Variants in KCNQ1OT1 observed in about 807,000 individuals in gnomAD.
KCNQ1OT1 encodes the protein KCNQ1 antisense RNA 2 (non-protein coding).
rs956306416 is a variant in KCNQ1OT1, at chr11:2,673,666, T to A, written n.26329A>T. 1.0e-5 allele frequency: 4 copies of A among 398,650 alleles called. No homozygotes were observed. Among genetic ancestry groups the A allele is most frequent in the African/African-American group, 6.2e-5 (3 of 48,642 alleles). The allele number at this position is 398,650 out of a possible 1,614,324, so 24.7% of individuals were successfully genotyped here. A position where few individuals can be genotyped will look rare whatever the true frequency, so the allele number is the denominator to read the frequency against. On this transcript the variant is annotated non_coding_transcript_exon_variant, in exon 1 of 1. Transcript: ENST00000597346. The surrounding 1 kb of genome is among the most constrained non-coding windows in gnomAD (Gnocchi z 4.5). Reference sequence around the variant, plus strand: ...CCCTGACTCATGTCCCTTGTCTGCATAGGTGTTTTCCTATAAATGTTTAAT... The same window carrying A: ...CCCTGACTCATGTCCCTTGTCTGCAAAGGTGTTTTCCTATAAATGTTTAAT...
chr11:2,625,300 G>T (rs1180580729), exon 1 of KCNQ1OT1: 7 of 398,444 alleles, frequency 1.8e-5, no homozygotes, highest in Non-Finnish European at 3.1e-5. Flanking sequence ...ACTTAGGCTG[G>T]AATGCAGTGG....
Position 2,624,031 on chromosome 11 carries a change from C to T in KCNQ1OT1, n.75964G>A. The T allele has an allele frequency of 2.5e-6, 1 of 399,594 alleles. No individual in the cohort carries two copies. Among genetic ancestry groups the T allele is most frequent in the East Asian group, 3.6e-5 (1 of 28,140 alleles). 24.8% of individuals were successfully genotyped at this position (399,594 alleles called of 1,614,324 possible). ...GTGGCTGTACCATTTTGCATTCCCA[C>T]CAGCAATGGATGAGTGTTCCTGTTG... On this transcript the variant is annotated non_coding_transcript_exon_variant, in exon 1 of 1. Transcript: ENST00000597346. The surrounding 1 kb of genome is among the most constrained non-coding windows in gnomAD (Gnocchi z 4.9).
At chr11:2,662,154 G>A (rs1054499968) in exon 1 of KCNQ1OT1, 1 of 1,601,808 alleles carries the variant, frequency 6.2e-7, no homozygotes, top group South Asian at 1.1e-5. Context: ...TTGGTGCTGG[G>A]GAAGCCTTGC....
At chr11:2,662,125 G>A in exon 1 of KCNQ1OT1, 2 of 1,613,150 alleles carry the variant, frequency 1.2e-6, no homozygotes, top group Non-Finnish European at 1.7e-6. Context: ...GGAGGGGACT[G>A]GAGCTCAAGG....
rs923822023 is a variant in KCNQ1OT1 at position 2,645,513 on chromosome 11, G to A, written n.54482C>T. The A allele has an allele frequency of 3.3e-5, 13 of 398,650 alleles. No homozygotes were observed. The highest frequency in any genetic ancestry group is 5.3e-5 in the Non-Finnish European group (12 of 226,194). The allele number at this position is 398,650 out of a possible 1,614,324, so 24.7% of individuals were successfully genotyped here. On this transcript the variant is annotated non_coding_transcript_exon_variant, in exon 1 of 1. Transcript: ENST00000597346. The surrounding 1 kb of genome is among the most constrained non-coding windows in gnomAD (Gnocchi z 5.8). ...ATGTTGGGGCAGCAGCAACTCTATT[G>A]CAGCCCTACTCCTGGGGAAGTTGAG...
At chr11:2,699,703 G>T (rs1326444790) in exon 1 of KCNQ1OT1, 2 of 225,836 alleles carry the variant, frequency 8.9e-6, no homozygotes, top group African/African-American at 6.5e-5. Context: ...GCCCCGAGGA[G>T]AACGGCGCCG....
chr11:2,665,903 G>A (rs1479751677), exon 1 of KCNQ1OT1: 1 of 398,560 alleles, frequency 2.5e-6, no homozygotes, highest in Non-Finnish European at 4.4e-6. Context: ...GCCTGGGTGA[G>A]CTTCTCCAAG....
chr11:2,659,268 CT>C lies in KCNQ1OT1; in HGVS notation n.40726del, dbSNP rs548222240. ...GTGAGTCTTTTGAAGTCAAGTACTT[CT>C]CCCCTAACCACTGGCAGCTATTGAT... On this transcript the variant is annotated non_coding_transcript_exon_variant, in exon 1 of 1. Transcript: ENST00000597346. The surrounding 1 kb of genome is among the most constrained non-coding windows in gnomAD (Gnocchi z 4.3). 15 of 398,636 alleles carry C rather than the reference CT, an allele frequency of 3.8e-5. No individual in the cohort carries two copies. The South Asian group carries it at 1.9e-3, about 51-fold the overall frequency. The allele number at this position is 398,636 out of a possible 1,614,324, so 24.7% of individuals were successfully genotyped here.
chr11:2,617,750 A>G lies in KCNQ1OT1; in HGVS notation n.82245T>C. ...TCTCATGAGTGTGAGGTGATATCGC[A>G]TAGTAATTTTGATTTGCATTTCCCT... On this transcript the variant is annotated non_coding_transcript_exon_variant, in exon 1 of 1. Transcript: ENST00000597346. The surrounding 1 kb of genome is among the most constrained non-coding windows in gnomAD (Gnocchi z 4.6). 2.5e-6 allele frequency: 1 copy of G among 398,546 alleles called. No homozygotes were observed. Among genetic ancestry groups the G allele is most frequent in the East Asian group, 3.6e-5 (1 of 28,068 alleles). 24.7% of individuals were successfully genotyped at this position (398,546 alleles called of 1,614,324 possible).
chr11:2,660,167 T>G, exon 1 of KCNQ1OT1: 1 of 398,350 alleles, frequency 2.5e-6, no homozygotes, highest in Non-Finnish European at 4.4e-6. Flanking sequence ...AGATATTTTA[T>G]GGTTTTATGT....
At position 2,624,531 on chromosome 11, in the gene KCNQ1OT1, G is replaced by C; in HGVS notation, n.75464C>G. The C allele has an allele frequency of 2.5e-6, 1 of 398,316 alleles. No homozygotes were observed. Among genetic ancestry groups the C allele is most frequent in the Non-Finnish European group, 4.4e-6 (1 of 225,980 alleles). The allele number at this position is 398,316 out of a possible 1,614,324, so 24.7% of individuals were successfully genotyped here. A position where few individuals can be genotyped will look rare whatever the true frequency, so the allele number is the denominator to read the frequency against. ...TAGATTTCTTCCTATGTTATCTTCTGGGATTTCTATTTGTTGTTGATTTCC... is the reference window on the plus strand; with the variant it reads ...TAGATTTCTTCCTATGTTATCTTCTCGGATTTCTATTTGTTGTTGATTTCC... On this transcript the variant is annotated non_coding_transcript_exon_variant, in exon 1 of 1. Transcript: ENST00000597346. This position sits in a 1 kb window ranked among gnomAD's most constrained non-coding sequence, Gnocchi z 4.9.
At chr11:2,643,462 A>G in exon 1 of KCNQ1OT1, 1 of 398,450 alleles carries the variant, frequency 2.5e-6, no homozygotes, top group Non-Finnish European at 4.4e-6. Context: ...ATCTGATGAA[A>G]GTATAGCTAC....
rs1849015792 is a variant in KCNQ1OT1, at chr11:2,613,605, C to A, written n.86390G>T. Reference sequence around the variant, plus strand: ...ATTAGCACTTTTCAATTTTATATTTCTTTGTCCAGTTTTATCATTGCTTTT... The same window carrying A: ...ATTAGCACTTTTCAATTTTATATTTATTTGTCCAGTTTTATCATTGCTTTT... On this transcript the variant is annotated non_coding_transcript_exon_variant, in exon 1 of 1. Transcript: ENST00000597346. This position sits in a 1 kb window ranked among gnomAD's most constrained non-coding sequence, Gnocchi z 4.8. The A allele has an allele frequency of 5.0e-6, 2 of 398,398 alleles. No homozygotes were observed. Among genetic ancestry groups the A allele is most frequent in the African/African-American group, 4.1e-5 (2 of 48,596 alleles). The allele number at this position is 398,398 out of a possible 1,614,324, so 24.7% of individuals were successfully genotyped here.
chr11:2,614,211 T>A lies in KCNQ1OT1; in HGVS notation n.85784A>T, dbSNP rs186880384. ...CTGAGGGTGCCACCTCAAATCTTAGTCATTTGCAAGAGCCTCCACTATAGC... is the reference window on the plus strand; with the variant it reads ...CTGAGGGTGCCACCTCAAATCTTAGACATTTGCAAGAGCCTCCACTATAGC... On this transcript the variant is annotated non_coding_transcript_exon_variant, in exon 1 of 1. Transcript: ENST00000597346. The A allele has an allele frequency of 9.0e-5, 36 of 398,562 alleles. 1 individual carries two copies. Among genetic ancestry groups the A allele is most frequent in the African/African-American group, 7.2e-4 (35 of 48,744 alleles). 24.7% of individuals were successfully genotyped at this position (398,562 alleles called of 1,614,324 possible).
At chr11:2,667,257 A>C (rs1259512417) in exon 1 of KCNQ1OT1, 1 of 398,510 alleles carries the variant, frequency 2.5e-6, no homozygotes, top group African/African-American at 2.1e-5. Context: ...CGTGAGGAAG[A>C]AGCGGCTGGC....
exon 1 of KCNQ1OT1, chr11:2,684,290 T>C (rs773427330): frequency 1.0e-5 from 4 of 398,582 alleles, no homozygotes; most frequent in Non-Finnish European, 1.8e-5. Flanking sequence ...GGCTGGAGCA[T>C]TGCAACTCAT....
Position 2,663,125 on chromosome 11 carries a change from T to C in KCNQ1OT1, n.36870A>G, listed in dbSNP as rs1431037950. The stretch of plus-strand genomic sequence containing the variant: ...GAGTGGCTATCTTAAGGGGTAATTA[T>C]GATCAGACAGGACCTGCCCACTGTC... On this transcript the variant is annotated non_coding_transcript_exon_variant, in exon 1 of 1. Transcript: ENST00000597346. The surrounding 1 kb of genome is among the most constrained non-coding windows in gnomAD (Gnocchi z 5.2). 3 of 398,582 alleles carry C rather than the reference T, an allele frequency of 7.5e-6. No homozygotes were observed. Among genetic ancestry groups the C allele is most frequent in the Admixed American group, 4.4e-5 (1 of 22,720 alleles). The allele number at this position is 398,582 out of a possible 1,614,324, so 24.7% of individuals were successfully genotyped here. A position where few individuals can be genotyped will look rare whatever the true frequency, so the allele number is the denominator to read the frequency against.
At chr11:2,680,235 A>G (rs1160802502) in exon 1 of KCNQ1OT1, 8 of 395,924 alleles carry the variant, frequency 2.0e-5, no homozygotes, top group Non-Finnish European at 3.5e-5. Flanking sequence ...AAAGTTGTCT[A>G]TCTGTGTGTA....
rs928263819 is a variant in KCNQ1OT1, at chr11:2,612,055, A to G, written n.87940T>C. 2.5e-6 allele frequency: 1 copy of G among 398,634 alleles called. No homozygotes were observed. The highest frequency in any genetic ancestry group is 4.4e-5 in the Admixed American group (1 of 22,738). 24.7% of individuals were successfully genotyped at this position (398,634 alleles called of 1,614,324 possible). On this transcript the variant is annotated non_coding_transcript_exon_variant, in exon 1 of 1. Transcript: ENST00000597346. This position sits in a 1 kb window ranked among gnomAD's most constrained non-coding sequence, Gnocchi z 5.5. ...TTCTACTCTTAATTACATATATGTTACAACTTAATTACACATACATTGTTA... is the reference window on the plus strand; with the variant it reads ...TTCTACTCTTAATTACATATATGTTGCAACTTAATTACACATACATTGTTA...
Sources: allele counts gnomAD v4.1 joint callset, GRCh38; gene constraint gnomAD v4.1.1; non-coding constraint Gnocchi (gnomAD v3.1); transcripts MANE v1.5; gene names NCBI Gene and HGNC (gene_info 2026-07-23, HGNC 2026-07-21).